Variants in RAD18 observed in about 807,000 individuals in gnomAD.
RAD18 encodes the protein RAD18 E3 ubiquitin protein ligase, also known as E3 ubiquitin-protein ligase RAD18.
Under a neutral mutation model 60.4 loss-of-function variants are expected in RAD18, and 47 were observed. The ratio of observed to expected loss-of-function variants is 0.78; its 90% CI spans 0.62 to 0.99. The LOEUF is 0.99. RAD18 is among the 50% of genes least tolerant of loss of function. The pLI is 0.00. For synonymous variants in RAD18, 225 were observed against 195.5 expected (o/e 1.15, Z -1.26); for missense variants, 640 against 593.3 (o/e 1.08, Z -0.82).
chr3:8,962,054 A>T (rs1574831105), intron 1 of RAD18, among the ~76,000 whole-genome samples: 1 of 152,342 alleles, frequency 6.6e-6, no homozygotes, highest in Admixed American at 6.5e-5. Context: ...CAAGCAGCAA[A>T]TAATATTTGA....
chr3:8,948,558 CAG>C lies in RAD18; in HGVS notation c.144_145del (p.Cys49TyrfsTer8). On this transcript the variant is annotated frameshift_variant, in exon 3 of 13. Coordinates refer to ENST00000264926, the MANE Select transcript of RAD18 (RefSeq NM_020165.4). LOFTEE classifies it high-confidence loss of function. Reference sequence around the variant, plus strand: ...TTTATAGGACAGAAATTTTCTTATACAGAGAGAGCAGTCTGCAAAACACAAAG... The same window carrying C: ...TTTATAGGACAGAAATTTTCTTATACAGAGAGCAGTCTGCAAAACACAAAG... 1 of 1,611,824 alleles carries C rather than the reference CAG, an allele frequency of 6.2e-7. No homozygotes were observed. The highest frequency in any genetic ancestry group is 8.5e-7 in the Non-Finnish European group (1 of 1,178,324).
intron 2 of RAD18, among the ~76,000 whole-genome samples, chr3:8,951,912 C>G (rs1940931552): frequency 6.6e-6 from 1 of 152,220 alleles, no homozygotes; most frequent in Non-Finnish European, 1.5e-5. Flanking sequence ...TAGACAACCA[C>G]CTGCTCACTG....
intron 2 of RAD18, among the ~76,000 whole-genome samples, chr3:8,957,818 T>C (rs1941036947): frequency 6.6e-6 from 1 of 152,220 alleles, no homozygotes; most frequent in Non-Finnish European, 1.5e-5. Context: ...ATGTTCAGTA[T>C]CTTAATTGCA....
At chr3:8,944,838 C>T (rs1311963064) in intron 4 of RAD18, among the ~76,000 whole-genome samples, 1 of 152,148 alleles carries the variant, frequency 6.6e-6, no homozygotes, top group Non-Finnish European at 1.5e-5. Flanking sequence ...AACTAAAGTC[C>T]TGCAATGCTT....
chr3:8,931,673 T>C, intron 7 of RAD18: 1 of 152,240 alleles, frequency 6.6e-6, no homozygotes, highest in East Asian at 1.9e-4. Flanking sequence ...CTAACATTTA[T>C]GTGGGATTGC....
intron 10 of RAD18, among the ~76,000 whole-genome samples, chr3:8,900,876 T>C (rs1939899365): frequency 1.3e-5 from 2 of 152,196 alleles, no homozygotes; most frequent in African/African-American, 2.4e-5. Context: ...AAGAGTAATA[T>C]TGATGTTCAT....
intron 7 of RAD18, among the ~76,000 whole-genome samples, chr3:8,926,160 A>G (rs1215190731): frequency 1.3e-5 from 2 of 152,018 alleles, no homozygotes; most frequent in African/African-American, 2.4e-5. Flanking sequence ...TATCTAGAAA[A>G]CCCCATCGTC....
intron 12 of RAD18, 139 bp from the exon 13 acceptor site, chr3:8,881,598 G>A (rs1026277588): frequency 3.1e-6 from 2 of 637,300 alleles, no homozygotes; most frequent in Non-Finnish European, 2.7e-6. Flanking sequence ...ATTCATAATT[G>A]TTATTATTAG....
chr3:8,902,468 T>A lies in RAD18; in HGVS notation c.1080A>T (p.Gly360=). The A allele has an allele frequency of 6.2e-7, 1 of 1,610,722 alleles. No homozygotes were observed. Among genetic ancestry groups the A allele is most frequent in the Non-Finnish European group, 8.5e-7 (1 of 1,177,984 alleles). ...GTGACATTCCAGCAATTTTCTTGTA[T>A]CCTTTTCTAGCCTGATCCACCAGAA... is the stretch of plus-strand genomic sequence containing the variant. The part of the protein sequence containing the change: ...FQLLVDQARK[G]YKKIAGMSQK... Residue 360 remains glycine, a synonymous_variant, in exon 10 of 13, where the codon GGA becomes GGT. Coordinates refer to ENST00000264926, the MANE Select transcript of RAD18 (RefSeq NM_020165.4).
At chr3:8,915,697 C>T (rs1386894956) in intron 7 of RAD18, among the ~76,000 whole-genome samples, 2 of 151,884 alleles carry the variant, frequency 1.3e-5, no homozygotes, top group Non-Finnish European at 2.9e-5. Context: ...CATTCTCCTG[C>T]CTCAGCCTCC....
chr3:8,919,921 C>T (rs752559781), intron 7 of RAD18, among the ~76,000 whole-genome samples: 1 of 152,108 alleles, frequency 6.6e-6, no homozygotes, highest in Non-Finnish European at 1.5e-5. Context: ...AATACAAACA[C>T]GAAAATAATT....
At chr3:8,919,807 T>C (rs1940282684) in intron 7 of RAD18, among the ~76,000 whole-genome samples, 1 of 151,234 alleles carries the variant, frequency 6.6e-6, no homozygotes, top group African/African-American at 2.4e-5. Context: ...GTCTGCAATA[T>C]CTTGTTATGT....
chr3:8,879,344 A>G lies in RAD18; in HGVS notation c.*2013T>C, dbSNP rs2125043105. The G allele has an allele frequency of 6.6e-6, 1 of 152,346 alleles. No homozygotes were observed. Among genetic ancestry groups the G allele is most frequent in the Non-Finnish European group, 1.5e-5 (1 of 68,054 alleles). The allele number at this position is 152,346 out of a possible 1,614,324, so 9.4% of individuals were successfully genotyped here. ...AGGCCATACGCATGGGCCCTGATCC[A>G]ATGACTGCTGTCCCTACAAGAAATC... On this transcript the variant is annotated 3_prime_UTR_variant, in exon 13 of 13. Transcript: ENST00000264926.
chr3:8,907,392 CAT>C (rs968519208), intron 9 of RAD18, among the ~76,000 whole-genome samples: 3 of 152,200 alleles, frequency 2.0e-5, no homozygotes, highest in African/African-American at 7.2e-5. Context: ...ATATGACCCA[CAT>C]AAACAAAGGC....
chr3:8,916,318 A>G (rs1940199339), intron 7 of RAD18, among the ~76,000 whole-genome samples: 1 of 152,168 alleles, frequency 6.6e-6, no homozygotes, highest in Non-Finnish European at 1.5e-5. Flanking sequence ...TCAGAGTAAC[A>G]GAGAACCCTC....
intron 7 of RAD18, among the ~76,000 whole-genome samples, chr3:8,919,539 T>G (rs1475776403): frequency 1.3e-5 from 2 of 152,226 alleles, no homozygotes; most frequent in Non-Finnish European, 2.9e-5. Context: ...TTGAAACATG[T>G]AAGTGTACAT....
chr3:8,910,361 G>A (rs1240055306), intron 9 of RAD18, among the ~76,000 whole-genome samples: 1 of 152,200 alleles, frequency 6.6e-6, no homozygotes, highest in African/African-American at 2.4e-5. Context: ...AGCACTTTGG[G>A]AGGCTGAGGC....
At position 8,881,446 on chromosome 3, in the gene RAD18, C is replaced by T. The variant is rs901123458; in HGVS notation, c.1399G>A (p.Asp467Asn). ...WEASHKNDLQ[D>N]TEISPRQNRR... ...TTCTGTCTTGGACTTATTTCTGTGT[C>T]TTGAAGATCGTTTCTGAAGACAGAA... Residue 467 changes from aspartate (D) to asparagine (N), a missense_variant, in exon 13 of 13, where the codon GAC becomes AAC. Transcript: ENST00000264926. The T allele has an allele frequency of 6.2e-7, 1 of 1,608,860 alleles. No individual in the cohort carries two copies. Among genetic ancestry groups the T allele is most frequent in the Non-Finnish European group, 8.5e-7 (1 of 1,175,478 alleles).
At chr3:8,949,063 A>G (rs1940886194) in intron 2 of RAD18, among the ~76,000 whole-genome samples, 1 of 152,212 alleles carries the variant, frequency 6.6e-6, no homozygotes, top group Admixed American at 6.5e-5. Flanking sequence ...AACAATATAT[A>G]TAAAGGAAGG....
Sources: allele counts gnomAD v4.1 joint callset (sites outside exome capture counted in the v4.1 genomes callset), GRCh38; gene constraint gnomAD v4.1.1; transcripts MANE v1.5; gene names NCBI Gene and HGNC (gene_info 2026-07-23, HGNC 2026-07-21).